The following CELSR2 variants were observed in gnomAD, a reference collection of about 807,000 sequenced individuals.
CELSR2 encodes cadherin EGF LAG seven-pass G-type receptor 2, also known as EGF-like protein 2.
Under a neutral mutation model 251.6 loss-of-function variants are expected in CELSR2, and 81 were observed. That is an observed-to-expected ratio of 0.32 (90% CI 0.27 to 0.39). The LOEUF is 0.39. CELSR2 is among the 10% of genes least tolerant of loss of function. The pLI is 1.00. For synonymous variants in CELSR2, 1,721 were observed against 1,670.5 expected (o/e 1.03, Z -0.74); for missense variants, 3,365 against 3,947.7 (o/e 0.85, Z 3.96).
In CELSR2 at chr1:109,253,381, T is replaced by G; in HGVS notation, c.3302T>G (p.Leu1101Arg). The G allele has an allele frequency of 1.9e-6, 3 of 1,612,144 alleles. No homozygotes were observed. Among genetic ancestry groups the G allele is most frequent in the Non-Finnish European group, 2.5e-6 (3 of 1,179,660 alleles). The change falls in exon 1 of 34, where the codon CTG becomes CGG. Residue 1101 changes from leucine to arginine, a missense_variant. Around this residue, in one of 5 missense-constraint regions of CELSR2, gnomAD observed 505 missense variants for 660.0 expected, o/e 0.77. Coordinates refer to ENST00000271332, the MANE Select transcript of CELSR2 (RefSeq NM_001408.3). ...CCTCTGGAGGCCATCATGAGCGTGC[T>G]GGTGTCAGGTAAGGAAGGGCCCAGG... ...NRPLEAIMSVLVSDGVHSVTA... is the reference protein window; with the variant it reads ...NRPLEAIMSVRVSDGVHSVTA...
At position 109,272,574 on chromosome 1, in the gene CELSR2, G is replaced by T. The variant is rs1488240033; in HGVS notation, c.8055-66G>T. ...CAGCAGGAACCAGGATCCCAGGGGA[G>T]AGGAGAGACTGGGACCCTGGGCAAG... is the stretch of plus-strand genomic sequence containing the variant. On this transcript the variant is annotated intron_variant, in intron 29 of 33. Coordinates refer to ENST00000271332, the MANE Select transcript of CELSR2 (RefSeq NM_001408.3). 7.9e-6 allele frequency: 12 copies of T among 1,521,196 alleles called. No individual in the cohort carries two copies. In the African/African-American group the frequency reaches 1.7e-4, roughly 21 times the overall value. 94.2% of individuals were successfully genotyped at this position (1,521,196 alleles called of 1,614,324 possible).
chr1:109,273,226 A>C lies in CELSR2; in HGVS notation c.8399A>C (p.Glu2800Ala), dbSNP rs759794413. 6.2e-7 allele frequency: 1 copy of C among 1,613,426 alleles called. No individual in the cohort carries two copies. Among genetic ancestry groups the C allele is most frequent in the South Asian group, 1.1e-5 (1 of 91,004 alleles). The change falls in exon 32 of 34, where the codon GAG becomes GCG. Residue 2800 changes from glutamate to alanine, a missense_variant. By Grantham distance (107) the Glu-to-Ala change is moderately radical. Around this residue, in one of 5 missense-constraint regions of CELSR2, gnomAD observed 2,093 missense variants for 2,382.8 expected, o/e 0.88. Coordinates refer to ENST00000271332, the MANE Select transcript of CELSR2 (RefSeq NM_001408.3). ...WPGDFGTTAK[E>A]SSGNGAPEER... ...GGAGACTTTGGGACCACAGCAAAAGAGAGTAGTGGCAACGGGGCCCCTGAG... is the reference window on the plus strand; with the variant it reads ...GGAGACTTTGGGACCACAGCAAAAGCGAGTAGTGGCAACGGGGCCCCTGAG...
chr1:109,259,442 G>T (rs749454198), intron 2 of CELSR2, among the ~76,000 whole-genome samples: 2 of 152,222 alleles, frequency 1.3e-5, no homozygotes, highest in Non-Finnish European at 2.9e-5. Flanking sequence ...ACCGTACTTA[G>T]GTCATAAGTT....
chr1:109,275,583 G>GT lies in CELSR2; in HGVS notation c.*1539dup, dbSNP rs1172354357. The GT allele has an allele frequency of 6.6e-6, 1 of 151,982 alleles. No individual in the cohort carries two copies. The highest frequency in any genetic ancestry group is 1.5e-5 in the Non-Finnish European group (1 of 67,960). 9.4% of individuals were successfully genotyped at this position (151,982 alleles called of 1,614,324 possible). A position where few individuals can be genotyped will look rare whatever the true frequency, so the allele number is the denominator to read the frequency against. ...CTGCAAAGGGTTAAAAATTTAACTG[G>GT]TTTTTACTACTGATGACTTGATTTA... is the stretch of plus-strand genomic sequence containing the variant. On this transcript the variant is annotated 3_prime_UTR_variant, in exon 34 of 34. Coordinates refer to ENST00000271332, the MANE Select transcript of CELSR2 (RefSeq NM_001408.3).
intron 18 of CELSR2, 25 bp from the exon 19 acceptor site, chr1:109,268,855 G>A (rs201171579): frequency 1.3e-4 from 203 of 1,592,590 alleles, no homozygotes; most frequent in Middle Eastern, 3.3e-4. Flanking sequence ...TCACAGGTCC[G>A]ATCTGTGACC....
chr1:109,273,931 T>A, intron 33 of CELSR2, 91 bp from the exon 34 acceptor site: 1 of 1,529,306 alleles, frequency 6.5e-7, no homozygotes, highest in South Asian at 1.1e-5. Context: ...CTTTCCTGTT[T>A]CCTTCGTCTG....
At chr1:109,264,386 T>G in intron 10 of CELSR2, 21 bp downstream of exon 10, 15 of 1,033,352 alleles carry the variant, frequency 1.5e-5, no homozygotes, top group Non-Finnish European at 2.0e-5. Flanking sequence ...TGCCCTGCCC[T>G]CCCATCCCCT....
At position 109,271,367 on chromosome 1, in the gene CELSR2, G is replaced by A. The variant is rs1261102402; in HGVS notation, c.7677-19G>A. Reference sequence around the variant, plus strand: ...TGGGAGGTCTCATGGCCGGACTCATGGCCTGTCCCTATCCCCAGCTCGGGC... The same window carrying A: ...TGGGAGGTCTCATGGCCGGACTCATAGCCTGTCCCTATCCCCAGCTCGGGC... On this transcript the variant is annotated intron_variant, in intron 26 of 33. Transcript: ENST00000271332. 2 of 1,613,818 alleles carry A rather than the reference G, an allele frequency of 1.2e-6. No individual in the cohort carries two copies. Among genetic ancestry groups the A allele is most frequent in the Non-Finnish European group, 8.5e-7 (1 of 1,179,986 alleles).
chr1:109,269,469 C>T lies in CELSR2; in HGVS notation c.6858C>T (p.Ser2286=), dbSNP rs377172021. 245 of 1,614,082 alleles carry T rather than the reference C, an allele frequency of 1.5e-4. 3 individuals are homozygous for T. The South Asian group carries it at 1.6e-3, about 10-fold the overall frequency. ...PIINTPVVSI[S]VHDDEELLPR... ...TCAACACACCCGTGGTGAGCATCAG[C>T]GTCCATGATGATGAGGAGCTTCTGC... The change falls in exon 21 of 34, where the codon AGC becomes AGT. Residue 2286 remains serine (S), a synonymous_variant. Transcript: ENST00000271332. This position sits in a 1 kb window ranked among gnomAD's most constrained non-coding sequence, Gnocchi z 6.4.
chr1:109,270,715 C>A, intron 24 of CELSR2, 115 bp downstream of exon 24: 2 of 1,346,156 alleles, frequency 1.5e-6, no homozygotes, highest in Non-Finnish European at 2.0e-6. Context: ...CCCCAGGCCG[C>A]CTTATTCACA....
chr1:109,263,386 T>A (rs911083615), intron 8 of CELSR2, 119 bp downstream of exon 8: 2 of 1,443,934 alleles, frequency 1.4e-6, no homozygotes, highest in Non-Finnish European at 1.8e-6. Flanking sequence ...TGGAAAAGCG[T>A]GTCTGGGCAG....
At chr1:109,267,023 C>T (rs1656216296) in intron 15 of CELSR2, among the ~76,000 whole-genome samples, 1 of 152,126 alleles carries the variant, frequency 6.6e-6, no homozygotes, top group Non-Finnish European at 1.5e-5. Flanking sequence ...GCCCAGCCCA[C>T]ATCTTGGACT....
At position 109,258,032 on chromosome 1, in the gene CELSR2, T is replaced by A. The variant is rs1400228989; in HGVS notation, c.3311-400T>A. Among the ~76,000 whole-genome samples, 3 of 152,016 alleles carry A rather than the reference T, an allele frequency of 2.0e-5. No homozygotes were observed. In the East Asian group the frequency reaches 5.8e-4, roughly 29 times the overall value. ...ACAGCCATGGTTGCGATTATCGTGG[T>A]GTTGAGGTGTAGAGGCTGAGGGGGC... On this transcript the variant is annotated intron_variant, in intron 1 of 33. Transcript: ENST00000271332.
At position 109,262,879 on chromosome 1, in the gene CELSR2, C is replaced by G. The variant is rs200832831; in HGVS notation, c.4618C>G (p.Arg1540Gly). ...GCCCGAGAGCTTCCCAGTCCGAATG[C>G]GGCAGTTCGTGGGCTGCATGCGGAA... ...DLPESFPVRM[R>G]QFVGCMRNLQ... is the part of the protein sequence containing the mutation. The change falls in exon 7 of 34, where the codon CGG becomes GGG. Residue 1540 changes from arginine to glycine, a missense_variant. This residue lies in a region of CELSR2 where 2,093 missense variants were observed against 2,382.8 expected (regional missense o/e 0.88). Transcript: ENST00000271332. 3.7e-6 allele frequency: 6 copies of G among 1,613,692 alleles called. No homozygotes were observed. The East Asian group carries it at 1.1e-4, about 30-fold the overall frequency.
intron 15 of CELSR2, 200 bp downstream of exon 15, chr1:109,266,406 TTTTGTTTTGG>T: frequency 3.1e-6 from 2 of 639,758 alleles, no homozygotes; most frequent in Non-Finnish European, 5.1e-6. Flanking sequence ...GACTGTTTTG[TTTTGTTTTGG>T]TTTGGTTTTT....
In CELSR2 at chr1:109,261,033, C is replaced by T; in HGVS notation, c.3959-9C>T. ...TACTTGGTACTCACCTGCCTTTCCT[C>T]TTGTCCAGGTGAGCACTGTGAGGTG... On this transcript the variant is annotated splice_polypyrimidine_tract_variant and intron_variant, in intron 2 of 33. Transcript: ENST00000271332. This position sits in a 1 kb window ranked among gnomAD's most constrained non-coding sequence, Gnocchi z 4.8. 1 of 1,599,706 alleles carries T rather than the reference C, an allele frequency of 6.3e-7. No individual in the cohort carries two copies. The highest frequency in any genetic ancestry group is 8.5e-7 in the Non-Finnish European group (1 of 1,170,096).
chr1:109,265,136 AG>A, intron 12 of CELSR2, 54 bp from the exon 13 acceptor site: 4 of 1,581,632 alleles, frequency 2.5e-6, no homozygotes, highest in Non-Finnish European at 3.4e-6. Flanking sequence ...GGGCTCACCT[AG>A]GTTAGGTGGG....
At chr1:109,263,474 C>A in intron 8 of CELSR2, 137 bp from the exon 9 acceptor site, 1 of 1,395,358 alleles carries the variant, frequency 7.2e-7, no homozygotes, top group Non-Finnish European at 9.8e-7. Context: ...GGTCCCAGGG[C>A]AGGTACGCAC....
Position 109,249,937 on chromosome 1 carries a change from C to T in CELSR2, c.-143C>T, listed in dbSNP as rs1237723380. 2.3e-5 allele frequency: 17 copies of T among 742,736 alleles called. No individual in the cohort carries two copies. Among genetic ancestry groups the T allele is most frequent in the Non-Finnish European group, 3.0e-5 (17 of 567,412 alleles). 46.0% of individuals were successfully genotyped at this position (742,736 alleles called of 1,614,324 possible). On this transcript the variant is annotated 5_prime_UTR_variant, in exon 1 of 34. Transcript: ENST00000271332. ...GCAGCGCGGGGTCCCGCCGAGCCAT[C>T]CAGACGCAGGCCCCGCGGGGCGCAC...
Sources: gnomAD v4.1 joint callset for allele counts (sites outside exome capture counted in the v4.1 genomes callset) on GRCh38, gnomAD v4.1.1 for gene constraint, gnomAD v4.1.1 regional missense constraint, Gnocchi (gnomAD v3.1) non-coding constraint, MANE v1.5 for transcripts, NCBI Gene and HGNC (gene_info 2026-07-23, HGNC 2026-07-21) for gene names.